CSMD1: variants seen among roughly 807,000 people sequenced by gnomAD.
CSMD1 encodes the protein CUB and Sushi multiple domains 1.
CSMD1 carries 213 observed loss-of-function variants against 417.5 expected under a neutral mutation model. The observed-to-expected ratio is 0.51, with a 90% CI of 0.46 to 0.57. The LOEUF is 0.57. Among genes scored for constraint, CSMD1 ranks in the 20% least tolerant of loss-of-function variants. The pLI is 0.00. For synonymous variants in CSMD1, 2,862 were observed against 1,736.8 expected (o/e 1.65, Z -16.11); for missense variants, 6,923 against 4,529.7 (o/e 1.53, Z -15.17).
intron 5 of CSMD1, among the ~76,000 whole-genome samples, chr8:3,898,313 A>G (rs1474159787): frequency 6.6e-6 from 1 of 152,222 alleles, no homozygotes; most frequent in Non-Finnish European, 1.5e-5. Flanking sequence ...TTCAAGGACA[A>G]CTACTCTGAT....
chr8:4,381,987 C>T (rs184824897), intron 3 of CSMD1, among the ~76,000 whole-genome samples: 163 of 152,106 alleles, frequency 1.1e-3, no homozygotes, highest in African/African-American at 3.3e-3. Context: ...GTAAAATGAC[C>T]GGACCAAGAT....
chr8:4,177,595 G>A (rs191639610), intron 3 of CSMD1, among the ~76,000 whole-genome samples: 1 of 150,938 alleles, frequency 6.6e-6, no homozygotes, highest in African/African-American at 2.4e-5. Context: ...AGAACTGAAG[G>A]AAATAGAGAT....
intron 2 of CSMD1, among the ~76,000 whole-genome samples, chr8:4,614,591 C>T (rs1293399238): frequency 6.6e-6 from 1 of 152,020 alleles, no homozygotes; most frequent in African/African-American, 2.4e-5. Context: ...CAGGAACAAC[C>T]AGAGGAAAGT....
intron 23 of CSMD1, among the ~76,000 whole-genome samples, chr8:3,315,462 G>GTGTC (rs58150104): frequency 1.3e-5 from 2 of 151,496 alleles, no homozygotes; most frequent in African/African-American, 2.4e-5. Flanking sequence ...GTGTGTGTGT[G>GTGTC]ATTTTTAAAC....
chr8:4,160,598 A>G (rs1797097338), intron 3 of CSMD1, among the ~76,000 whole-genome samples: 1 of 152,214 alleles, frequency 6.6e-6, no homozygotes, highest in Non-Finnish European at 1.5e-5. Flanking sequence ...GCCTCCATTT[A>G]CACACTGTGG....
At chr8:3,657,887 TA>T (rs1314040548) in intron 7 of CSMD1, among the ~76,000 whole-genome samples, 33 of 152,158 alleles carry the variant, frequency 2.2e-4, no homozygotes, top group Non-Finnish European at 2.9e-5. Context: ...TCTTGAAACT[TA>T]CCCTGGAGCT....
intron 1 of CSMD1, among the ~76,000 whole-genome samples, chr8:4,976,215 G>T (rs1360111480): frequency 1.3e-5 from 2 of 152,128 alleles, no homozygotes; most frequent in East Asian, 3.9e-4. Context: ...CACTGCCTGG[G>T]TGACAAGAGT....
At chr8:3,592,852 G>A (rs1201660713) in intron 8 of CSMD1, among the ~76,000 whole-genome samples, 1 of 152,170 alleles carries the variant, frequency 6.6e-6, no homozygotes, top group Non-Finnish European at 1.5e-5. Context: ...TAGGTGTAAA[G>A]GAGATGTGAT....
intron 49 of CSMD1, among the ~76,000 whole-genome samples, chr8:3,064,672 G>C (rs1812802593): frequency 6.6e-6 from 1 of 152,142 alleles, no homozygotes; most frequent in Non-Finnish European, 1.5e-5. Flanking sequence ...CAAACCAGCT[G>C]CTGAGAATAA....
intron 1 of CSMD1, among the ~76,000 whole-genome samples, chr8:4,697,032 C>T (rs915523943): frequency 1.3e-5 from 2 of 151,908 alleles, no homozygotes; most frequent in Non-Finnish European, 2.9e-5. Flanking sequence ...ATTATCTGGG[C>T]GTGGTGGTGC....
At chr8:4,809,398 C>G (rs973844753) in intron 1 of CSMD1, among the ~76,000 whole-genome samples, 1 of 152,108 alleles carries the variant, frequency 6.6e-6, no homozygotes, top group Admixed American at 6.6e-5. Flanking sequence ...ACATTTTAAG[C>G]AGTAAGGAGT....
chr8:4,408,307 G>C (rs557050548), intron 3 of CSMD1, among the ~76,000 whole-genome samples: 16 of 152,250 alleles, frequency 1.1e-4, no homozygotes, highest in African/African-American at 3.8e-4. Context: ...TGTCAAAAAC[G>C]TCTTCAAGTA....
chr8:3,971,358 G>A (rs1299025886), intron 5 of CSMD1, among the ~76,000 whole-genome samples: 1 of 152,072 alleles, frequency 6.6e-6, no homozygotes, highest in Non-Finnish European at 1.5e-5. Context: ...TTTCTGTAAT[G>A]TTCTGAAAAT....
chr8:4,861,957 A>C (rs1440205632), intron 1 of CSMD1, among the ~76,000 whole-genome samples: 2 of 152,134 alleles, frequency 1.3e-5, no homozygotes, highest in African/African-American at 2.4e-5. Context: ...ATATAAATAA[A>C]TATATAGAAT....
intron 2 of CSMD1, among the ~76,000 whole-genome samples, chr8:4,585,424 T>C (rs992402515): frequency 6.6e-6 from 1 of 152,136 alleles, no homozygotes; most frequent in Non-Finnish European, 1.5e-5. Flanking sequence ...AGAATGACTG[T>C]CACAAAACGT....
At chr8:4,511,407 G>A (rs1448025189) in intron 2 of CSMD1, among the ~76,000 whole-genome samples, 2 of 152,130 alleles carry the variant, frequency 1.3e-5, no homozygotes, top group African/African-American at 4.8e-5. Flanking sequence ...CAAACTTGCT[G>A]GTTTCTATTT....
At chr8:3,845,014 T>C (rs1474796716) in intron 5 of CSMD1, among the ~76,000 whole-genome samples, 1 of 152,210 alleles carries the variant, frequency 6.6e-6, no homozygotes, top group Non-Finnish European at 1.5e-5. Context: ...TAACAAAGGT[T>C]ATTGATGTAT....
chr8:4,462,996 A>G (rs192923376), intron 2 of CSMD1, among the ~76,000 whole-genome samples: 163 of 152,352 alleles, frequency 1.1e-3, no homozygotes, highest in African/African-American at 3.4e-3. Context: ...AAAAAACATT[A>G]GAACAGAAAA....
intron 2 of CSMD1, among the ~76,000 whole-genome samples, chr8:4,597,507 A>T (rs1478595883): frequency 6.6e-6 from 1 of 152,126 alleles, no homozygotes; most frequent in Non-Finnish European, 1.5e-5. Context: ...AATATACTTG[A>T]CCAGTTACTC....
Sources: gnomAD v4.1 joint callset for allele counts (sites outside exome capture counted in the v4.1 genomes callset) on GRCh38, gnomAD v4.1.1 for gene constraint, MANE v1.5 for transcripts, NCBI Gene and HGNC (gene_info 2026-07-23, HGNC 2026-07-21) for gene names.